The following MYCBP2 variants were observed in gnomAD, a reference collection of about 807,000 sequenced individuals.
The protein encoded by MYCBP2 is MYC binding protein 2.
Under a neutral mutation model 525.3 loss-of-function variants are expected in MYCBP2, and 120 were observed. The observed-to-expected ratio is 0.23, with a 90% CI of 0.20 to 0.27. The LOEUF (loss-of-function observed/expected upper bound fraction) is 0.27. MYCBP2 is among the 10% of genes least tolerant of loss of function. The pLI, the probability that MYCBP2 is intolerant of heterozygous loss-of-function variation, is 1.00. For missense variants in MYCBP2, 4,149 were observed against 5,657.1 expected (o/e 0.73, Z 8.55); for synonymous variants, 1,894 against 1,955.8 (o/e 0.97, Z 0.83).
chr13:77,143,178 TC>T (rs1260063837), intron 49 of MYCBP2, among the ~76,000 whole-genome samples: 3 of 152,212 alleles, frequency 2.0e-5, no homozygotes, highest in African/African-American at 7.2e-5. Flanking sequence ...CTTCTAGGTG[TC>T]CACTTGACTG....
intron 80 of MYCBP2, among the ~76,000 whole-genome samples, chr13:77,052,474 T>C (rs1487316300): frequency 4.6e-5 from 7 of 152,224 alleles, no homozygotes; most frequent in African/African-American, 7.2e-5. Context: ...GCTGGGATTA[T>C]TGGCATGAGC....
At chr13:77,076,001 T>C (rs2042230401) in intron 68 of MYCBP2, 1 of 152,236 alleles carries the variant, frequency 6.6e-6, no homozygotes, top group African/African-American at 2.4e-5. Context: ...AGGTGATTAT[T>C]TGTAGCATTT....
At chr13:77,264,198 T>C (rs2073752184) in intron 8 of MYCBP2, among the ~76,000 whole-genome samples, 196 bp from the exon 9 acceptor site, 1 of 152,088 alleles carries the variant, frequency 6.6e-6, no homozygotes, top group South Asian at 2.1e-4. Flanking sequence ...TTTTTGCTTA[T>C]ATTTATAAAT....
At chr13:77,214,840 A>G (rs571810237) in intron 21 of MYCBP2, among the ~76,000 whole-genome samples, 5 of 152,320 alleles carry the variant, frequency 3.3e-5, no homozygotes, top group South Asian at 4.1e-4. Context: ...GAAAAGTTAT[A>G]GTCAAAGTAC....
chr13:77,106,275 C>T (rs1419469040), intron 55 of MYCBP2, among the ~76,000 whole-genome samples: 2 of 152,052 alleles, frequency 1.3e-5, no homozygotes, highest in African/African-American at 2.4e-5. Context: ...ATTAGTAATA[C>T]ATTATTTTTT....
Position 77,288,536 on chromosome 13 carries a change from C to T in MYCBP2, c.379-160G>A, listed in dbSNP as rs141784628. Among the ~76,000 whole-genome samples, 1,319 of 152,350 alleles carry T rather than the reference C, an allele frequency of 8.7e-3. 22 individuals carry two copies. The highest frequency in any genetic ancestry group is 0.03 in the African/African-American group (1,228 of 41,582). ...GTCTATGGACCCAACTTCTAGTCCC[C>T]TTTTCTATACCTCACTATTTTTTGA... On this transcript the variant is annotated intron_variant, in intron 2 of 82. Transcript: ENST00000544440.
intron 52 of MYCBP2, among the ~76,000 whole-genome samples, chr13:77,131,658 T>C (rs2052876713): frequency 6.6e-6 from 1 of 152,204 alleles, no homozygotes; most frequent in African/African-American, 2.4e-5. Flanking sequence ...TTAGCTTTCA[T>C]ATAGTATAAT....
chr13:77,212,837 T>C (rs1272428294), intron 21 of MYCBP2, among the ~76,000 whole-genome samples: 1 of 152,168 alleles, frequency 6.6e-6, no homozygotes, highest in Non-Finnish European at 1.5e-5. Context: ...TTCTCACTAG[T>C]AAGCCTGTAG....
At chr13:77,282,926 T>C (rs2076348095) in intron 3 of MYCBP2, among the ~76,000 whole-genome samples, 1 of 152,142 alleles carries the variant, frequency 6.6e-6, no homozygotes, top group African/African-American at 2.4e-5. Context: ...TTCAAAACAC[T>C]GTCACTACCA....
At position 77,177,885 on chromosome 13, in the gene MYCBP2, T is replaced by G; in HGVS notation, c.5203A>C (p.Arg1735=). 6.2e-7 allele frequency: 1 copy of G among 1,613,868 alleles called. No homozygotes were observed. The highest frequency in any genetic ancestry group is 8.5e-7 in the Non-Finnish European group (1 of 1,179,722). The change falls in exon 35 of 83, where the codon AGA becomes CGA. Residue 1735 remains arginine, a synonymous_variant. Transcript: ENST00000544440. ...ANRFTKTSQG[R]SWNTGNGSPD... is the part of the protein sequence containing the mutation. The stretch of plus-strand genomic sequence containing the variant: ...GACCCGTTCCCAGTGTTCCAACTTC[T>G]GCCCTGACTTGTTTTTGTAAATCGG...
intron 37 of MYCBP2, among the ~76,000 whole-genome samples, chr13:77,173,252 T>A (rs1201145222): frequency 2.0e-5 from 3 of 152,204 alleles, no homozygotes; most frequent in African/African-American, 7.2e-5. Context: ...CTCAAAACAC[T>A]GTATTTTGTA....
rs187107822 is a variant in MYCBP2, at chr13:77,280,148, T to C, written c.595-1237A>G. Among the ~76,000 whole-genome samples the C allele has an allele frequency of 1.7e-3, 256 of 152,324 alleles. 4 individuals carry two copies. Among genetic ancestry groups the C allele is most frequent in the African/African-American group, 5.4e-3 (226 of 41,574 alleles). ...AGCAAGTCGGCTGAAGGTAAGTCAA[T>C]TGTAGTTCTGATTAACATTTACAAG... On this transcript the variant is annotated intron_variant, in intron 3 of 82. Transcript: ENST00000544440.
At chr13:77,181,951 A>C in intron 32 of MYCBP2, 29 bp from the exon 33 acceptor site, 1 of 1,553,120 alleles carries the variant, frequency 6.4e-7, no homozygotes, top group Non-Finnish European at 8.8e-7. Flanking sequence ...TGGCCCCCCA[A>C]CCAAAAAATA....
intron 23 of MYCBP2, among the ~76,000 whole-genome samples, 175 bp from the exon 24 acceptor site, chr13:77,207,000 A>G (rs954549311): frequency 6.6e-6 from 1 of 152,242 alleles, no homozygotes; most frequent in African/African-American, 2.4e-5. Context: ...TATATCACTA[A>G]AAGTGAAATA....
intron 13 of MYCBP2, among the ~76,000 whole-genome samples, chr13:77,259,087 TC>T (rs1361734625): frequency 1.9e-4 from 29 of 152,090 alleles, no homozygotes; most frequent in Admixed American, 1.9e-3. Context: ...AAACCTCGTC[TC>T]TACTAAAAAT....
intron 73 of MYCBP2, among the ~76,000 whole-genome samples, chr13:77,064,364 C>T (rs950338604): frequency 2.0e-5 from 3 of 152,176 alleles, no homozygotes; most frequent in Non-Finnish European, 4.4e-5. Flanking sequence ...ATGTAATTAG[C>T]CTTTTCTAAC....
At chr13:77,190,433 AT>A in intron 28 of MYCBP2, 98 bp from the exon 29 acceptor site, 1 of 734,856 alleles carries the variant, frequency 1.4e-6, no homozygotes, top group Non-Finnish European at 2.3e-6. Context: ...AATGAAAATG[AT>A]TCACTCTTTT....
At chr13:77,113,653 T>C (rs1418586735) in intron 55 of MYCBP2, among the ~76,000 whole-genome samples, 2 of 152,088 alleles carry the variant, frequency 1.3e-5, no homozygotes, top group Non-Finnish European at 2.9e-5. Flanking sequence ...ACATCAGCAT[T>C]CTTTGTGGTT....
At chr13:77,256,875 T>C (rs1006421186) in intron 14 of MYCBP2, among the ~76,000 whole-genome samples, 2 of 152,086 alleles carry the variant, frequency 1.3e-5, no homozygotes, top group African/African-American at 4.8e-5. Context: ...ACAATCCCAC[T>C]GCTATGGATA....
Sources: allele counts gnomAD v4.1 joint callset (sites outside exome capture counted in the v4.1 genomes callset), GRCh38; gene constraint gnomAD v4.1.1; transcripts MANE v1.5; gene names NCBI Gene and HGNC (gene_info 2026-07-23, HGNC 2026-07-21).